The following TRPM1 variants were observed in gnomAD, a reference collection of about 807,000 sequenced individuals.
TRPM1 encodes transient receptor potential cation channel subfamily M member 1, also known as TRPM1-203 APA Isoform, Intron 10.
A neutral mutation model predicts 149.4 loss-of-function variants in TRPM1; 113 were observed. That is an observed-to-expected ratio of 0.76 (90% CI 0.65 to 0.88). The LOEUF (loss-of-function observed/expected upper bound fraction) is 0.88. Ranked by LOEUF, TRPM1 falls within the 40% of genes least tolerant of loss-of-function variation. The pLI, the probability that TRPM1 is intolerant of heterozygous loss-of-function variation, is 0.00. For synonymous variants in TRPM1, 741 were observed against 759.5 expected (o/e 0.98, Z 0.40); for missense variants, 1,976 against 2,038.7 (o/e 0.97, Z 0.59).
intron 1 of TRPM1, among the ~76,000 whole-genome samples, chr15:31,125,976 C>A (rs1489113470): frequency 1.3e-5 from 2 of 150,876 alleles, no homozygotes; most frequent in Non-Finnish European, 3.0e-5. Flanking sequence ...ACTAAAAATA[C>A]AAAAAAATAG....
chr15:31,137,711 A>G (rs1221795194), intron 1 of TRPM1, among the ~76,000 whole-genome samples: 1 of 152,132 alleles, frequency 6.6e-6, no homozygotes, highest in Non-Finnish European at 1.5e-5. Flanking sequence ...TCTCTATCCT[A>G]TTTTGCCTAA....
At position 31,068,119 on chromosome 15, in the gene TRPM1, C is replaced by T. The variant is rs1053038362; in HGVS notation, c.280-27G>A. On this transcript the variant is annotated intron_variant, in intron 4 of 27. Transcript: ENST00000256552. The stretch of plus-strand genomic sequence containing the variant: ...TGTGAAAGAGTGTGTGGCACTCAGC[C>T]TCTGTTCTTGGTTTTGCTTCTCGTG... 6 of 1,603,362 alleles carry T rather than the reference C, an allele frequency of 3.7e-6. No homozygotes were observed. The African/African-American group carries it at 8.0e-5, about 22-fold the overall frequency.
intron 1 of TRPM1, among the ~76,000 whole-genome samples, chr15:31,100,310 C>T (rs1336904767): frequency 6.6e-6 from 1 of 151,972 alleles, no homozygotes; most frequent in Non-Finnish European, 1.5e-5. Context: ...CTCTTGACCT[C>T]GTGATCTGCC....
At chr15:31,134,108 G>A (rs1348665785) in intron 1 of TRPM1, among the ~76,000 whole-genome samples, 1 of 152,216 alleles carries the variant, frequency 6.6e-6, no homozygotes, top group Non-Finnish European at 1.5e-5. Context: ...GGAGTGTTGA[G>A]AAGGAAGGGG....
At chr15:31,058,057 A>G (rs2034129794) in intron 11 of TRPM1, among the ~76,000 whole-genome samples, 1 of 152,140 alleles carries the variant, frequency 6.6e-6, no homozygotes, top group South Asian at 2.1e-4. Context: ...GAAGACTGCT[A>G]TTCTTTATAG....
rs757788258 is a variant in TRPM1, at chr15:31,001,903, G to T, written c.4797C>A (p.Ser1599Arg). Reference protein sequence around the residue: ...LDRSGHASSVSSLVIVSGMTA... With the variant: ...LDRSGHASSVRSLVIVSGMTA... ...TCATTCCAGACACAATTACTAAGCT[G>T]CTTACACTACTGGCATGTCCAGATC... The change falls in exon 28 of 28, where the codon AGC becomes AGA. Residue 1599 changes from serine to arginine, a missense_variant. By Grantham distance (110) the Ser-to-Arg change is moderately radical (BLOSUM62 -1). Around this residue, in one of 3 missense-constraint regions of TRPM1, gnomAD observed 572 missense variants for 578.9 expected, o/e 0.99. Transcript: ENST00000256552. 2.5e-6 allele frequency: 4 copies of T among 1,614,004 alleles called. No homozygotes were observed. The East Asian group carries it at 6.7e-5, about 27-fold the overall frequency.
At chr15:31,092,983 G>A (rs969035420) in intron 1 of TRPM1, among the ~76,000 whole-genome samples, 13 of 152,062 alleles carry the variant, frequency 8.5e-5, no homozygotes, top group African/African-American at 3.1e-4. Context: ...ATAAGGGGCC[G>A]GGCACAGTGG....
At chr15:31,036,455 C>G (rs1300103288) in intron 20 of TRPM1, among the ~76,000 whole-genome samples, 1 of 150,960 alleles carries the variant, frequency 6.6e-6, no homozygotes, top group Non-Finnish European at 1.5e-5. Flanking sequence ...TTTTCAAGAT[C>G]CTGCCTCCCA....
At chr15:31,015,832 T>C (rs2032339199) in intron 27 of TRPM1, among the ~76,000 whole-genome samples, 1 of 152,212 alleles carries the variant, frequency 6.6e-6, no homozygotes, top group Non-Finnish European at 1.5e-5. Flanking sequence ...CTGTTACTCA[T>C]ATACATTCAA....
Position 31,029,257 on chromosome 15 carries a change from A to G in TRPM1, c.3148+114T>C. The G allele has an allele frequency of 4.2e-6, 5 of 1,176,692 alleles. No individual in the cohort carries two copies. The South Asian group carries it at 6.6e-5, about 16-fold the overall frequency. 72.9% of individuals were successfully genotyped at this position (1,176,692 alleles called of 1,614,324 possible). On this transcript the variant is annotated intron_variant, in intron 24 of 27. Transcript: ENST00000256552. ...TGACAGCTTAAAAAGTACTGGCACCAAAAAACAAGAGAAGTATTTGAAAAC... is the reference window on the plus strand; with the variant it reads ...TGACAGCTTAAAAAGTACTGGCACCGAAAAACAAGAGAAGTATTTGAAAAC...
At chr15:31,135,583 T>C (rs1016660692) in intron 1 of TRPM1, among the ~76,000 whole-genome samples, 7 of 152,116 alleles carry the variant, frequency 4.6e-5, no homozygotes, top group African/African-American at 1.7e-4. Context: ...CCCCTCCAAA[T>C]CTCATGCTGT....
At position 31,047,891 on chromosome 15, in the gene TRPM1, T is replaced by C; in HGVS notation, c.1621A>G (p.Lys541Glu). ...TLHLLVRDVK[K>E]SNLPPDYHIS... Reference sequence around the variant, plus strand: ...GAATTGTAAAACAGTAGACTGACCTTTTTCACATCCCTCACCAGCAGATGA... The same window carrying C: ...GAATTGTAAAACAGTAGACTGACCTCTTTCACATCCCTCACCAGCAGATGA... The change falls in exon 14 of 28, where the codon AAG becomes GAG. Residue 541 changes from lysine (K) to glutamate (E), a missense_variant and splice_region_variant. Transcript: ENST00000256552. The C allele has an allele frequency of 6.2e-7, 1 of 1,613,060 alleles. No homozygotes were observed. Among genetic ancestry groups the C allele is most frequent in the Non-Finnish European group, 8.5e-7 (1 of 1,178,996 alleles).
At chr15:31,161,058 C>T (rs757891603) in exon 1 of TRPM1, 82 of 1,239,030 alleles carry the variant, frequency 6.6e-5, no homozygotes, top group Non-Finnish European at 9.0e-5. Context: ...AGCGGAGCCA[C>T]ACACTCGGCG....
intron 3 of TRPM1, among the ~76,000 whole-genome samples, chr15:31,070,704 A>G (rs944655789): frequency 2.0e-5 from 3 of 151,972 alleles, no homozygotes; most frequent in Non-Finnish European, 4.4e-5. Flanking sequence ...ACAGGCACAC[A>G]CTACCATGCT....
intron 1 of TRPM1, among the ~76,000 whole-genome samples, chr15:31,135,618 G>A (rs1262327388): frequency 6.6e-6 from 1 of 151,956 alleles, no homozygotes; most frequent in Non-Finnish European, 1.5e-5. Context: ...TGTTGGAGGT[G>A]GGGCCTAGTG....
At chr15:31,109,513 A>G (rs1039743315) in intron 1 of TRPM1, among the ~76,000 whole-genome samples, 1 of 151,640 alleles carries the variant, frequency 6.6e-6, no homozygotes, top group Non-Finnish European at 1.5e-5. Context: ...CCTGGCCACA[A>G]CACGATGAAA....
At chr15:31,076,858 G>T in intron 3 of TRPM1, 47 bp downstream of exon 3, 3 of 1,407,966 alleles carry the variant, frequency 2.1e-6, no homozygotes, top group African/African-American at 1.4e-5. Flanking sequence ...AATAGTGGCA[G>T]ACAAGCACTG....
chr15:31,108,138 G>A (rs538465810), intron 1 of TRPM1, among the ~76,000 whole-genome samples: 44 of 148,694 alleles, frequency 3.0e-4, no homozygotes, highest in African/African-American at 1.1e-3. Flanking sequence ...GTTTACAGGC[G>A]TGAGCCACCA....
At chr15:31,112,013 C>T (rs75307606) in intron 1 of TRPM1, among the ~76,000 whole-genome samples, 3,753 of 152,238 alleles carry the variant, frequency 0.025, 68 homozygotes, top group Middle Eastern at 0.048. Flanking sequence ...GCATTTTTAT[C>T]TTTTGAAAAA....
Sources: gnomAD v4.1 joint callset for allele counts (sites outside exome capture counted in the v4.1 genomes callset) on GRCh38, gnomAD v4.1.1 for gene constraint, gnomAD v4.1.1 regional missense constraint, MANE v1.5 for transcripts, NCBI Gene and HGNC (gene_info 2026-07-23, HGNC 2026-07-21) for gene names.